PAGE2B: variants seen among roughly 807,000 people sequenced by gnomAD.
PAGE2B encodes PAGE family member 2B.
PAGE2B carries 5 observed loss-of-function variants against 7.6 expected under a neutral mutation model. That is an observed-to-expected ratio of 0.66 (90% CI 0.34 to 1.38). PAGE2B has a LOEUF of 1.38. Ranked by LOEUF, PAGE2B falls within the 40% of genes most tolerant of loss-of-function variation. The probability of loss-of-function intolerance (pLI) is 0.04; values close to 1 mark genes in which losing one functional copy is unlikely to be tolerated. For missense variants in PAGE2B, 70 were observed against 78.4 expected, an observed-to-expected ratio of 0.89 and a Z score of 0.41; for synonymous variants, 29 against 26.7, an observed-to-expected ratio of 1.09 and a Z score of -0.27.
chrX:55,054,061 A>C, the PAGE2B span, among the ~76,000 whole-genome samples: 1 of 111,384 alleles, frequency 9.0e-6, no homozygotes, highest in Admixed American at 9.5e-5. Context: ...TAAAAATACA[A>C]AAATTAGCTG....
chrX:55,069,028 A>T, the PAGE2B span, among the ~76,000 whole-genome samples: 8 of 111,612 alleles, frequency 7.2e-5, no homozygotes, highest in Admixed American at 5.7e-4. Flanking sequence ...CATACACTTT[A>T]TTTCTCTCTC....
At chrX:55,036,069 A>C in the PAGE2B span, among the ~76,000 whole-genome samples, 5 of 111,816 alleles carry the variant, frequency 4.5e-5, no homozygotes, top group East Asian at 2.8e-4. Flanking sequence ...GCAATTGTGA[A>C]TGGGAGTTCA....
chrX:55,070,261 A>C (rs747754211), upstream of PAGE2B, among the ~76,000 whole-genome samples: 23 of 111,764 alleles, frequency 2.1e-4, no homozygotes, highest in Non-Finnish European at 3.9e-4. Flanking sequence ...GTTTCAAAGA[A>C]CATTTTTATT....
At chrX:55,052,316 A>G in the PAGE2B span, among the ~76,000 whole-genome samples, 1 of 112,100 alleles carries the variant, frequency 8.9e-6, no homozygotes, top group Non-Finnish European at 1.9e-5. Context: ...TGCTGGGAGA[A>G]CCACTACTCT....
the PAGE2B span, among the ~76,000 whole-genome samples, chrX:55,030,613 G>A: frequency 3.6e-5 from 4 of 111,526 alleles, no homozygotes; most frequent in Non-Finnish European, 5.6e-5. Flanking sequence ...GACAAAAAGG[G>A]GGAGAGAAAG....
chrX:55,039,016 T>C, the PAGE2B span, among the ~76,000 whole-genome samples: 2 of 111,783 alleles, frequency 1.8e-5, no homozygotes, highest in Non-Finnish European at 3.8e-5. Context: ...TACTACACAT[T>C]GCTCTTTGAG....
the PAGE2B span, among the ~76,000 whole-genome samples, chrX:55,039,304 C>G: frequency 9.0e-6 from 1 of 110,612 alleles, no homozygotes; most frequent in Non-Finnish European, 1.9e-5. Context: ...TTCACAGTAG[C>G]GATGAAGATG....
At chrX:55,033,250 A>G in the PAGE2B span, among the ~76,000 whole-genome samples, 2 of 111,416 alleles carry the variant, frequency 1.8e-5, no homozygotes, top group Non-Finnish European at 3.8e-5. Flanking sequence ...AGGTTAACAA[A>G]CCTCTGAGGT....
At chrX:55,062,746 A>G in the PAGE2B span, among the ~76,000 whole-genome samples, 1 of 111,750 alleles carries the variant, frequency 8.9e-6, no homozygotes, top group Non-Finnish European at 1.9e-5. Context: ...TTATAATTTA[A>G]GTCTTTAATA....
the PAGE2B span, among the ~76,000 whole-genome samples, chrX:55,040,177 TACA>T: frequency 9.1e-6 from 1 of 110,214 alleles, no homozygotes; most frequent in Non-Finnish European, 1.9e-5. Flanking sequence ...AGTTCTAGGG[TACA>T]TGTGCACAAC....
At chrX:55,029,228 A>G in the PAGE2B span, among the ~76,000 whole-genome samples, 3 of 111,439 alleles carry the variant, frequency 2.7e-5, no homozygotes, top group Admixed American at 9.5e-5. Context: ...TCCTGTTACA[A>G]TTTATTGTGT....
At chrX:55,076,356 A>C (rs1229975393) in intron 2 of PAGE2B, among the ~76,000 whole-genome samples, 1 of 101,968 alleles carries the variant, frequency 9.8e-6, no homozygotes, top group Non-Finnish European at 1.9e-5. Flanking sequence ...GTGTGTGTAT[A>C]TGTATATATG....
rs763129159 is a variant in PAGE2B, at chrX:55,076,640, T to C, written c.156T>C (p.Ser52=). 2 of 1,204,930 alleles carry C rather than the reference T, an allele frequency of 1.7e-6. No individual in the cohort carries two copies. Among genetic ancestry groups the C allele is most frequent in the East Asian group, 3.0e-5 (1 of 33,641 alleles). The change falls in exon 3 of 5, where the codon AGT becomes AGC. Residue 52 remains serine, a synonymous_variant. Coordinates refer to ENST00000374971, the MANE Select transcript of PAGE2B (RefSeq NM_001015038.3). ...CTGATAATCAGGGTATTGCACCTAG[T>C]GGGGAGATCGAAAATGAAGGAGCAC... is the stretch of plus-strand genomic sequence containing the variant. ...PPTDNQGIAP[S]GEIENEGAPA...
At chrX:55,065,993 A>G in the PAGE2B span, among the ~76,000 whole-genome samples, 1 of 112,684 alleles carries the variant, frequency 8.9e-6, no homozygotes, top group Admixed American at 9.4e-5. Context: ...TTTACACACC[A>G]CAACTACAGT....
At chrX:55,035,727 C>G in the PAGE2B span, among the ~76,000 whole-genome samples, 1 of 112,096 alleles carries the variant, frequency 8.9e-6, no homozygotes, top group Non-Finnish European at 1.9e-5. Flanking sequence ...GTCTGAATTT[C>G]AGTTTCCTTG....
At chrX:55,073,372 T>C (rs1056284618), upstream of PAGE2B, among the ~76,000 whole-genome samples, 1 of 110,761 alleles carries the variant, frequency 9.0e-6, no homozygotes, top group Non-Finnish European at 1.9e-5. Context: ...TTGCTCACCC[T>C]CCATGGGCTG....
At chrX:55,061,526 G>T in the PAGE2B span, among the ~76,000 whole-genome samples, 2 of 111,213 alleles carry the variant, frequency 1.8e-5, no homozygotes, top group Non-Finnish European at 3.8e-5. Context: ...GGCATGCAAA[G>T]TGTAATAATC....
chrX:55,036,330 A>G, the PAGE2B span, among the ~76,000 whole-genome samples: 2 of 110,799 alleles, frequency 1.8e-5, no homozygotes, highest in African/African-American at 6.6e-5. Flanking sequence ...AGAACTTCCA[A>G]CACTATGTTG....
At chrX:55,050,509 A>G in the PAGE2B span, among the ~76,000 whole-genome samples, 6 of 110,327 alleles carry the variant, frequency 5.4e-5, no homozygotes, top group African/African-American at 2.0e-4. Flanking sequence ...GGGTGCATGT[A>G]TATTTAGGAT....
Sources: gnomAD v4.1 joint callset for allele counts (sites outside exome capture counted in the v4.1 genomes callset) on GRCh38, gnomAD v4.1.1 for gene constraint, MANE v1.5 for transcripts, NCBI Gene and HGNC (gene_info 2026-07-23, HGNC 2026-07-21) for gene names.